Variants in TTC27 observed in about 807,000 individuals in gnomAD.
TTC27 encodes tetratricopeptide repeat protein 27.
Under a neutral mutation model 115.9 loss-of-function variants are expected in TTC27, and 79 were observed. That is an observed-to-expected ratio of 0.68 (90% confidence interval 0.57 to 0.82). The LOEUF (loss-of-function observed/expected upper bound fraction) is 0.82. Ranked by LOEUF, TTC27 falls within the 40% of genes least tolerant of loss-of-function variation. The pLI is 0.00. For synonymous variants in TTC27, 401 were observed against 356.0 expected (o/e 1.13, Z -1.42); for missense variants, 1,054 against 993.1 (o/e 1.06, Z -0.82).
At chr2:32,703,482 A>ATAG (rs1667261704) in intron 10 of TTC27, among the ~76,000 whole-genome samples, 1 of 152,216 alleles carries the variant, frequency 6.6e-6, no homozygotes, top group South Asian at 2.1e-4. Context: ...AATAATAATA[A>ATAG]TAATGGCACT....
intron 8 of TTC27, among the ~76,000 whole-genome samples, chr2:32,677,862 TA>T (rs1431119979): frequency 6.6e-5 from 10 of 152,264 alleles, no homozygotes; most frequent in Non-Finnish European, 1.3e-4. Flanking sequence ...AAAACATTTT[TA>T]TTTTTTTGGC....
At chr2:32,656,129 C>T (rs937719663) in intron 5 of TTC27, among the ~76,000 whole-genome samples, 8 of 151,852 alleles carry the variant, frequency 5.3e-5, no homozygotes, top group African/African-American at 1.9e-4. Context: ...TTTAATTAGT[C>T]CCAGTTTTAT....
In TTC27 at chr2:32,812,626, T is replaced by C. The variant is rs777623361; in HGVS notation, c.2308+11T>C. 3.2e-6 allele frequency: 5 copies of C among 1,571,426 alleles called. No homozygotes were observed. The highest frequency in any genetic ancestry group is 2.7e-5 in the African/African-American group (2 of 74,148). ...TAGGACTTGCACATGGTATTTGATG[T>C]AACATTTGATATCCATGGAATGTTT... On this transcript the variant is annotated intron_variant, in intron 18 of 19. Transcript: ENST00000317907.
At position 32,628,169 on chromosome 2, in the gene TTC27, G is replaced by A. The variant is rs770956610; in HGVS notation, c.-124G>A. 2.3e-6 allele frequency: 2 copies of A among 851,570 alleles called. No individual in the cohort carries two copies. Among genetic ancestry groups the A allele is most frequent in the Non-Finnish European group, 1.9e-6 (1 of 530,068 alleles). The allele number at this position is 851,570 out of a possible 1,614,324, so 52.8% of individuals were successfully genotyped here. ...CACATGGAATTCTAGGGCCGCAGGTGTATTTACGGTAACTGTCGCCACTAG... is the reference window on the plus strand; with the variant it reads ...CACATGGAATTCTAGGGCCGCAGGTATATTTACGGTAACTGTCGCCACTAG... On this transcript the variant is annotated 5_prime_UTR_variant, in exon 1 of 20. Transcript: ENST00000317907.
chr2:32,649,831 A>G (rs1349507730), intron 4 of TTC27, among the ~76,000 whole-genome samples: 1 of 152,122 alleles, frequency 6.6e-6, no homozygotes, highest in Non-Finnish European at 1.5e-5. Flanking sequence ...GGTGTGAGCC[A>G]TCGCACCCGG....
chr2:32,691,629 CTT>C (rs754133198), intron 9 of TTC27, among the ~76,000 whole-genome samples: 1 of 152,078 alleles, frequency 6.6e-6, no homozygotes. Flanking sequence ...GAATACTTCT[CTT>C]TTGTTCTCAA....
chr2:32,725,034 CT>C (rs1157847377), intron 10 of TTC27, among the ~76,000 whole-genome samples: 1 of 152,178 alleles, frequency 6.6e-6, no homozygotes, highest in Non-Finnish European at 1.5e-5. Flanking sequence ...TCTTGTGAAA[CT>C]TATTCACTAT....
At chr2:32,700,788 C>T (rs1203264008) in intron 9 of TTC27, among the ~76,000 whole-genome samples, 3 of 152,290 alleles carry the variant, frequency 2.0e-5, no homozygotes, top group Non-Finnish European at 2.9e-5. Flanking sequence ...GATCCACCCG[C>T]GTCAGCCTCC....
chr2:32,732,557 T>A (rs544249353), intron 10 of TTC27, among the ~76,000 whole-genome samples: 1 of 152,336 alleles, frequency 6.6e-6, no homozygotes, highest in Admixed American at 6.5e-5. Flanking sequence ...CCGTCCTTTT[T>A]TTTTCTCCTG....
At chr2:32,747,713 A>G (rs539157664) in intron 12 of TTC27, among the ~76,000 whole-genome samples, 1 of 152,304 alleles carries the variant, frequency 6.6e-6, no homozygotes, top group Non-Finnish European at 1.5e-5. Flanking sequence ...TTTGAAGTAG[A>G]ATAAATATTT....
intron 12 of TTC27, among the ~76,000 whole-genome samples, chr2:32,738,919 G>C (rs1402363147): frequency 6.6e-6 from 1 of 152,154 alleles, no homozygotes; most frequent in Non-Finnish European, 1.5e-5. Context: ...GCAACGTATT[G>C]AAGGCAGGAA....
chr2:32,729,751 CTAGAG>C (rs768965804), intron 10 of TTC27, among the ~76,000 whole-genome samples: 1 of 152,050 alleles, frequency 6.6e-6, no homozygotes, highest in Non-Finnish European at 1.5e-5. Context: ...AGTCATCCAC[CTAGAG>C]TAGACTGTCT....
chr2:32,744,973 G>A (rs776443034), intron 12 of TTC27, among the ~76,000 whole-genome samples: 47 of 147,946 alleles, frequency 3.2e-4, no homozygotes, highest in African/African-American at 6.5e-4. Flanking sequence ...CTTTGAGCCC[G>A]GGAGGTGGAG....
At chr2:32,649,996 A>C in intron 4 of TTC27, 135 bp from the exon 5 acceptor site, 1 of 657,386 alleles carries the variant, frequency 1.5e-6, no homozygotes, top group South Asian at 2.0e-5. Flanking sequence ...TACTGAAGAG[A>C]GTAGTGGATG....
chr2:32,663,606 C>T (rs1471920156), intron 5 of TTC27, among the ~76,000 whole-genome samples: 2 of 152,042 alleles, frequency 1.3e-5, no homozygotes, highest in Admixed American at 1.3e-4. Flanking sequence ...GGAGCTGTTC[C>T]TATTGGCCAT....
In TTC27 at chr2:32,775,665, T is replaced by G. The variant is rs1467354556; in HGVS notation, c.1681-2217T>G. ...TTCCAAGTAAACTTGGTATCATAAT[T>G]CTTTGTATCTAAGATGCCATCGGTT... is the stretch of plus-strand genomic sequence containing the variant. On this transcript the variant is annotated intron_variant, in intron 13 of 19. Coordinates refer to ENST00000317907, the MANE Select transcript of TTC27 (RefSeq NM_017735.5). Among the ~76,000 whole-genome samples the G allele has an allele frequency of 3.9e-5, 6 of 152,186 alleles. No individual in the cohort carries two copies. In the South Asian group the frequency reaches 6.2e-4, roughly 16 times the overall value.
chr2:32,816,208 T>C (rs887759562), intron 18 of TTC27, among the ~76,000 whole-genome samples: 9 of 152,002 alleles, frequency 5.9e-5, no homozygotes, highest in African/African-American at 9.7e-5. Context: ...TCCCAGCTAC[T>C]TGAGAGGCTG....
chr2:32,703,002 G>A (rs2151901312), intron 10 of TTC27, 82 bp downstream of exon 10: 1 of 909,820 alleles, frequency 1.1e-6, no homozygotes, highest in Non-Finnish European at 1.8e-6. Context: ...TATGAATGAA[G>A]GAATGAAATG....
At chr2:32,698,045 A>G (rs540429911) in intron 9 of TTC27, among the ~76,000 whole-genome samples, 4 of 152,122 alleles carry the variant, frequency 2.6e-5, no homozygotes, top group Non-Finnish European at 4.4e-5. Context: ...GTAATAATTA[A>G]TCTTAATTTG....
Sources: allele counts gnomAD v4.1 joint callset (sites outside exome capture counted in the v4.1 genomes callset), GRCh38; gene constraint gnomAD v4.1.1; transcripts MANE v1.5; gene names NCBI Gene and HGNC (gene_info 2026-07-23, HGNC 2026-07-21).